The following MBTD1 variants were observed in gnomAD, a reference collection of about 807,000 sequenced individuals.
The protein encoded by MBTD1 is MBT domain-containing protein 1.
Under a neutral mutation model 87.8 loss-of-function variants are expected in MBTD1, and 24 were observed. The ratio of observed to expected loss-of-function variants is 0.27; its 90% CI spans 0.20 to 0.38. MBTD1 has a LOEUF of 0.38. MBTD1 is among the 10% of genes least tolerant of loss of function. The pLI, the probability that MBTD1 is intolerant of heterozygous loss-of-function variation, is 1.00. For synonymous variants in MBTD1, 237 were observed against 248.6 expected (o/e 0.95, Z 0.44); for missense variants, 436 against 760.2 (o/e 0.57, Z 5.02).
intron 11 of MBTD1, 103 bp from the exon 12 acceptor site, chr17:51,201,799 T>C: frequency 3.7e-6 from 3 of 814,460 alleles, no homozygotes; most frequent in African/African-American, 1.7e-5. Flanking sequence ...TTCTCCTACC[T>C]ACCTAATATT....
chr17:51,183,317 G>A (rs11650690), intron 16 of MBTD1: 58,404 of 151,646 alleles, frequency 0.39, 11,735 homozygotes, highest in Non-Finnish European at 0.44. Flanking sequence ...ATTTACAGGC[G>A]TGCACCACCA....
At chr17:51,215,417 C>A (rs748943966) in intron 6 of MBTD1, among the ~76,000 whole-genome samples, 1 of 151,714 alleles carries the variant, frequency 6.6e-6, no homozygotes, top group African/African-American at 2.4e-5. Context: ...TTTTTTAATA[C>A]CCTGACTACT....
chr17:51,211,854 A>C (rs2052241161), intron 6 of MBTD1, among the ~76,000 whole-genome samples: 1 of 152,168 alleles, frequency 6.6e-6, no homozygotes, highest in South Asian at 2.1e-4. Context: ...GAAATAGATA[A>C]TGAGTTTTAC....
At chr17:51,248,162 T>C (rs2054558667) in intron 2 of MBTD1, among the ~76,000 whole-genome samples, 1 of 152,242 alleles carries the variant, frequency 6.6e-6, no homozygotes, top group East Asian at 1.9e-4. Flanking sequence ...TATGTGACTC[T>C]TCCCTCAAGG....
At chr17:51,193,348 A>G (rs905261455) in intron 14 of MBTD1, 80 bp downstream of exon 14, 15 of 958,238 alleles carry the variant, frequency 1.6e-5, no homozygotes, top group Non-Finnish European at 2.3e-5. Context: ...AATACAAGGC[A>G]AAGACATTTT....
chr17:51,245,436 A>G (rs962835105), intron 2 of MBTD1, among the ~76,000 whole-genome samples: 2 of 152,174 alleles, frequency 1.3e-5, no homozygotes, highest in Non-Finnish European at 2.9e-5. Context: ...CTTGATTATG[A>G]GTCAGAAAAT....
intron 2 of MBTD1, 151 bp from the exon 3 acceptor site, chr17:51,225,360 A>T (rs8076651): frequency 0.59 from 230,327 of 391,634 alleles, 69,930 homozygotes; most frequent in African/African-American, 0.73. Context: ...TTCTTTTTTT[A>T]AAAAATGCTT....
intron 16 of MBTD1, among the ~76,000 whole-genome samples, chr17:51,187,091 T>C (rs2050572306): frequency 6.6e-6 from 1 of 152,114 alleles, no homozygotes; most frequent in Non-Finnish European, 1.5e-5. Context: ...TCAAAGCTTA[T>C]TGCCTGTAAA....
intron 12 of MBTD1, among the ~76,000 whole-genome samples, chr17:51,197,313 G>T (rs2051190859): frequency 6.6e-6 from 1 of 150,934 alleles, no homozygotes; most frequent in Admixed American, 6.6e-5. Flanking sequence ...TGTTGGCTGG[G>T]CTGGTCTTAA....
At chr17:51,259,527 TC>T (rs1156654493) in intron 1 of MBTD1, among the ~76,000 whole-genome samples, 1 of 151,778 alleles carries the variant, frequency 6.6e-6, no homozygotes, top group Non-Finnish European at 1.5e-5. Context: ...ATCCAGCCTT[TC>T]CCCCCTAGCC....
Position 51,225,202 on chromosome 17 carries a change from T to C in MBTD1, c.-41A>G, listed in dbSNP as rs574716504. ...TCTTTTCCTTTCAGATCGTGAAGAA[T>C]GTTCAGTCTTTGAAGTAAGAGAAAC... On this transcript the variant is annotated 5_prime_UTR_variant, in exon 3 of 17. Transcript: ENST00000586178. 6.6e-7 allele frequency: 1 copy of C among 1,506,122 alleles called. No individual in the cohort carries two copies. Among genetic ancestry groups the C allele is most frequent in the Admixed American group, 2.2e-5 (1 of 45,664 alleles). The allele number at this position is 1,506,122 out of a possible 1,614,324, so 93.3% of individuals were successfully genotyped here.
intron 2 of MBTD1, among the ~76,000 whole-genome samples, chr17:51,232,592 A>G (rs186024228): frequency 7.4e-4 from 113 of 152,322 alleles, no homozygotes; most frequent in Admixed American, 5.0e-3. Context: ...GCAGCAAAGA[A>G]AAATAGAAAA....
chr17:51,242,014 T>TATGCAAG (rs1433260927), intron 2 of MBTD1, among the ~76,000 whole-genome samples: 3 of 152,216 alleles, frequency 2.0e-5, no homozygotes, highest in Non-Finnish European at 2.9e-5. Context: ...CTTACTTTCT[T>TATGCAAG]GCATAATAAG....
Position 51,248,181 on chromosome 17 carries a change from T to C in MBTD1, c.-49+10962A>G, listed in dbSNP as rs970031194. Among the ~76,000 whole-genome samples the C allele has an allele frequency of 7.9e-5, 12 of 152,246 alleles. No homozygotes were observed. The East Asian group carries it at 1.7e-3, about 22-fold the overall frequency. ...TGACTCTTCCCTCAAGGGTCCAAGATTGGTTCATCAACTAGACGTATAGTT... is the reference window on the plus strand; with the variant it reads ...TGACTCTTCCCTCAAGGGTCCAAGACTGGTTCATCAACTAGACGTATAGTT... On this transcript the variant is annotated intron_variant, in intron 2 of 16. Transcript: ENST00000586178.
intron 2 of MBTD1, among the ~76,000 whole-genome samples, chr17:51,242,766 T>C (rs2054227084): frequency 6.6e-6 from 1 of 152,198 alleles, no homozygotes; most frequent in African/African-American, 2.4e-5. Context: ...TCTTCCTGTG[T>C]ACATTTTGAA....
At chr17:51,197,071 T>G (rs1462696915) in intron 12 of MBTD1, among the ~76,000 whole-genome samples, 61 of 3,948 alleles carry the variant, frequency 0.015, 5 homozygotes, top group African/African-American at 0.093. Flanking sequence ...TATATATATA[T>G]ATATATATAT....
chr17:51,230,230 T>C (rs1000956947), intron 2 of MBTD1, among the ~76,000 whole-genome samples: 68 of 152,156 alleles, frequency 4.5e-4, no homozygotes, highest in African/African-American at 1.5e-3. Flanking sequence ...TAATAGCACT[T>C]TGAACTGACA....
intron 2 of MBTD1, among the ~76,000 whole-genome samples, chr17:51,236,875 C>A (rs2053868835): frequency 2.0e-5 from 3 of 152,006 alleles, no homozygotes; most frequent in Admixed American, 2.0e-4. Flanking sequence ...TAAAAATCAA[C>A]TGAAAGTAGT....
intron 8 of MBTD1, 24 bp downstream of exon 8, chr17:51,203,767 G>A (rs754244822): frequency 3.0e-5 from 48 of 1,594,220 alleles, no homozygotes; most frequent in Non-Finnish European, 3.4e-5. Flanking sequence ...AAAAAATTAC[G>A]GTAAGGGTAA....
Sources: gnomAD v4.1 joint callset for allele counts (sites outside exome capture counted in the v4.1 genomes callset) on GRCh38, gnomAD v4.1.1 for gene constraint, MANE v1.5 for transcripts, NCBI Gene and HGNC (gene_info 2026-07-23, HGNC 2026-07-21) for gene names.